CABYR: variants seen among roughly 807,000 people sequenced by gnomAD.
The protein encoded by CABYR is calcium-binding tyrosine phosphorylation-regulated protein.
In CABYR, 31 loss-of-function variants were observed where a neutral mutation model predicts 36.1. That is an observed-to-expected ratio of 0.86 (90% confidence interval 0.64 to 1.16). The LOEUF is 1.16. Ranked by LOEUF, CABYR falls within the 50% of genes most tolerant of loss-of-function variation. The probability of loss-of-function intolerance (pLI) is 0.00; values close to 1 mark genes in which losing one functional copy is unlikely to be tolerated. For missense variants in CABYR, 429 were observed against 455.8 expected (o/e 0.94, Z 0.53); for synonymous variants, 146 against 160.7 (o/e 0.91, Z 0.69).
At chr18:24,150,776 GTTTTTTGT>G (rs1340195885) in intron 3 of CABYR, 6,492 of 99,224 alleles carry the variant, frequency 0.065, 181 homozygotes, top group East Asian at 0.16. Context: ...TTGTTTTTTT[GTTTTTTGT>G]TTTTTTTTTT....
At chr18:24,148,981 C>T (rs1269679945) in intron 3 of CABYR, among the ~76,000 whole-genome samples, 2 of 152,288 alleles carry the variant, frequency 1.3e-5, no homozygotes, top group Admixed American at 6.5e-5. Context: ...ATTGTCTTAT[C>T]TGGCCCCACC....
In CABYR at chr18:24,159,610, T is replaced by G; in HGVS notation, c.680T>G (p.Leu227Ter). The change falls in exon 5 of 6, where the codon TTA (leucine) becomes TGA (stop). Residue 227 changes from leucine (L) to a stop codon, truncating the protein, a stop_gained. Transcript: ENST00000399496. LOFTEE classifies it high-confidence loss of function. The part of the protein sequence containing the change: ...PGPFPQATLY[L>*]PNPKDPQFQQ... ...CCTTTTCCCCAAGCAACCCTCTATT[T>G]ACCTAATCCTAAGGATCCACAGTTT... The G allele has an allele frequency of 1.2e-6, 2 of 1,614,074 alleles. No homozygotes were observed. Among genetic ancestry groups the G allele is most frequent in the Non-Finnish European group, 1.7e-6 (2 of 1,180,022 alleles).
intron 5 of CABYR, among the ~76,000 whole-genome samples, chr18:24,160,573 T>C (rs2085937760): frequency 6.6e-6 from 1 of 152,230 alleles, no homozygotes; most frequent in South Asian, 2.1e-4. Flanking sequence ...TAACTGTGGA[T>C]GAGACAGTTT....
At position 24,155,836 on chromosome 18, in the gene CABYR, G is replaced by C; in HGVS notation, c.335G>C (p.Arg112Thr). Residue 112 changes from arginine to threonine, a missense_variant, in exon 4 of 6, where the codon AGA (arginine) becomes ACA (threonine). Coordinates refer to ENST00000399496, the MANE Select transcript of CABYR (RefSeq NM_153769.3). ...GACACAGACGAGGACAATGTAACCA[G>C]AACAGAATATAGTGACAAAACCACC... ...STDTDEDNVTRTEYSDKTTQF... is the reference protein window; with the variant it reads ...STDTDEDNVTTTEYSDKTTQF... The C allele has an allele frequency of 1.2e-6, 2 of 1,614,166 alleles. No individual in the cohort carries two copies. Among genetic ancestry groups the C allele is most frequent in the African/African-American group, 1.3e-5 (1 of 75,060 alleles).
chr18:24,156,226 A>G (rs751437523), intron 4 of CABYR, 184 bp downstream of exon 4: 44 of 1,614,020 alleles, frequency 2.7e-5, no homozygotes, highest in Non-Finnish European at 3.6e-5. Context: ...ACATCTGTCC[A>G]TGTAGATTTG....
intron 3 of CABYR, among the ~76,000 whole-genome samples, chr18:24,151,317 C>T (rs1278621687): frequency 2.6e-5 from 4 of 152,108 alleles, no homozygotes; most frequent in Non-Finnish European, 4.4e-5. Flanking sequence ...GAAGGAATGC[C>T]TTTAGTTATG....
intron 1 of CABYR, among the ~76,000 whole-genome samples, chr18:24,140,935 C>T (rs549422701): frequency 1.3e-5 from 2 of 152,220 alleles, no homozygotes; most frequent in Admixed American, 1.3e-4. Flanking sequence ...TTTTCTTTAT[C>T]CATTCATCTG....
intron 4 of CABYR, among the ~76,000 whole-genome samples, chr18:24,158,607 T>C (rs995954904): frequency 2.6e-5 from 4 of 152,260 alleles, no homozygotes; most frequent in Admixed American, 6.5e-5. Flanking sequence ...CGTGAGCCAC[T>C]GCGCCCGGCC....
At position 24,161,532 on chromosome 18, in the gene CABYR, G is replaced by C; in HGVS notation, c.*16G>C. 1 of 780,570 alleles carries C rather than the reference G, an allele frequency of 1.3e-6. No homozygotes were observed. Among genetic ancestry groups the C allele is most frequent in the Non-Finnish European group, 2.4e-6 (1 of 417,942 alleles). The allele number at this position is 780,570 out of a possible 1,614,324, so 48.4% of individuals were successfully genotyped here. ...TCCTAACAGATCCAGAAATGACGCT[G>C]TCTGGGTCAACATTTCAGGGAGGAG... On this transcript the variant is annotated 3_prime_UTR_variant, in exon 6 of 6. Coordinates refer to ENST00000399496, the MANE Select transcript of CABYR (RefSeq NM_153769.3).
rs143220535 is a variant in CABYR at position 24,144,461 on chromosome 18, G to A, written c.199+1048G>A. Reference sequence around the variant, plus strand: ...CATTTTAAGCAATGAATGCAGCGATGTCAGAGACCAACACCTAGAGGGCAG... The same window carrying A: ...CATTTTAAGCAATGAATGCAGCGATATCAGAGACCAACACCTAGAGGGCAG... On this transcript the variant is annotated intron_variant, in intron 3 of 5. Transcript: ENST00000399496. 1.6e-4 allele frequency among the ~76,000 whole-genome samples: 25 copies of A among 152,298 alleles called. No homozygotes were observed. In the East Asian group the frequency reaches 4.6e-3, roughly 28 times the overall value.
intron 3 of CABYR, among the ~76,000 whole-genome samples, chr18:24,154,908 C>A (rs977463407): frequency 6.6e-5 from 10 of 152,160 alleles, no homozygotes; most frequent in African/African-American, 2.4e-4. Context: ...TCTTTCTTTT[C>A]CTCTTGGCTG....
At chr18:24,144,650 T>A (rs1158329456) in intron 3 of CABYR, among the ~76,000 whole-genome samples, 1 of 152,136 alleles carries the variant, frequency 6.6e-6, no homozygotes, top group Non-Finnish European at 1.5e-5. Context: ...CAGTTATGCC[T>A]CTACCAGAGG....
At chr18:24,156,182 T>C (rs770632803) in intron 4 of CABYR, 140 bp downstream of exon 4, 1 of 1,614,170 alleles carries the variant, frequency 6.2e-7, no homozygotes, top group South Asian at 1.1e-5. Flanking sequence ...TTGTGTGTTC[T>C]GGAAAGGTGC....
chr18:24,144,623 C>A (rs1697490093), intron 3 of CABYR, among the ~76,000 whole-genome samples: 2 of 152,050 alleles, frequency 1.3e-5, no homozygotes, highest in Admixed American at 1.3e-4. Context: ...CAAAAGAAAA[C>A]AAAAACACCC....
intron 1 of CABYR, chr18:24,139,391 C>G (rs1485442855): frequency 6.6e-6 from 1 of 152,284 alleles, no homozygotes; most frequent in African/African-American, 2.4e-5. Flanking sequence ...TCACTCCCGT[C>G]TCTCCCAAAC....
chr18:24,159,741 C>T lies in CABYR; in HGVS notation c.811C>T (p.Gln271Ter). 1 of 1,614,030 alleles carries T rather than the reference C, an allele frequency of 6.2e-7. No individual in the cohort carries two copies. The highest frequency in any genetic ancestry group is 8.5e-7 in the Non-Finnish European group (1 of 1,180,034). Residue 271 changes from glutamine (Q) to a stop codon, truncating the protein, a stop_gained, in exon 5 of 6, where the codon CAG becomes TAG. Transcript: ENST00000399496. LOFTEE classifies it high-confidence loss of function. Reference protein sequence around the residue: ...ILVGSNVQEAQGWKPLPGHAV... With the variant: ...ILVGSNVQEA ...AGTAGGCTCAAATGTTCAGGAAGCA[C>T]AGGGATGGAAACCTCTTCCTGGACA...
intron 3 of CABYR, among the ~76,000 whole-genome samples, chr18:24,155,305 T>TATTA (rs1357562391): frequency 6.6e-6 from 1 of 152,202 alleles, no homozygotes. Flanking sequence ...GATATCTGAT[T>TATTA]ATTAGTCTTG....
In CABYR at chr18:24,142,085, G is replaced by A. The variant is rs183363273; in HGVS notation, c.-24-1006G>A. ...CATGCCTGTAATCCCAACACTTTGG[G>A]AGCCTGTGGGTGGATCACAAGGTCA... is the stretch of plus-strand genomic sequence containing the variant. On this transcript the variant is annotated intron_variant, in intron 1 of 5. Coordinates refer to ENST00000399496, the MANE Select transcript of CABYR (RefSeq NM_153769.3). 5.2e-3 allele frequency among the ~76,000 whole-genome samples: 791 copies of A among 152,306 alleles called. 2 individuals carry two copies. The highest frequency in any genetic ancestry group is 0.014 in the Middle Eastern group (4 of 294).
Position 24,154,390 on chromosome 18 carries a change from GA to G in CABYR, c.200-1307del, listed in dbSNP as rs372409789. ...AAGTCCTGAAGAGGTGAATGGTTAG[GA>G]AAATGAGGTTATTGTTCTAAGCAGA... On this transcript the variant is annotated intron_variant, in intron 3 of 5. Coordinates refer to ENST00000399496, the MANE Select transcript of CABYR (RefSeq NM_153769.3). Among the ~76,000 whole-genome samples the G allele has an allele frequency of 9.7e-4, 147 of 152,312 alleles. 2 individuals carry two copies. The South Asian group carries it at 0.03, about 31-fold the overall frequency.
Sources: allele counts gnomAD v4.1 joint callset (sites outside exome capture counted in the v4.1 genomes callset), GRCh38; gene constraint gnomAD v4.1.1; transcripts MANE v1.5; gene names NCBI Gene and HGNC (gene_info 2026-07-23, HGNC 2026-07-21).